The following ADGRG7 variants were observed in gnomAD, a reference collection of about 807,000 sequenced individuals.
The protein encoded by ADGRG7 is G-protein coupled receptor 128.
ADGRG7 carries 82 observed loss-of-function variants against 88.6 expected under a neutral mutation model. The ratio of observed to expected loss-of-function variants is 0.93; its 90% CI spans 0.77 to 1.11. The LOEUF is 1.11. ADGRG7 is among the 50% of genes most tolerant of loss of function. ADGRG7 has a pLI of 0.00. For missense variants in ADGRG7, 945 were observed against 953.4 expected (o/e 0.99, Z 0.12); for synonymous variants, 381 against 345.2 (o/e 1.10, Z -1.15).
Position 100,659,268 on chromosome 3 carries a change from T to TA in ADGRG7, c.1824-408dup, listed in dbSNP as rs888624071. ...TAACACGGTGAAACTCCGTCTCTACTAAAAAAAAAAAATACAAAAAAATCA... is the reference window on the plus strand; with the variant it reads ...TAACACGGTGAAACTCCGTCTCTACTAAAAAAAAAAAAATACAAAAAAATCA... On this transcript the variant is annotated intron_variant, in intron 13 of 15. Transcript: ENST00000273352. Among the ~76,000 whole-genome samples, 928 of 142,894 alleles carry TA rather than the reference T, an allele frequency of 6.5e-3. 12 individuals are homozygous for TA. Among genetic ancestry groups the TA allele is most frequent in the African/African-American group, 0.021 (835 of 39,072 alleles). The allele number at this position is 142,894 out of a possible 152,430, so 93.7% of individuals were successfully genotyped here.
rs1455911281 is a variant in ADGRG7 at position 100,646,653 on chromosome 3, C to G, written c.1195C>G (p.Gln399Glu). 1.2e-6 allele frequency: 2 copies of G among 1,614,018 alleles called. No homozygotes were observed. Among genetic ancestry groups the G allele is most frequent in the Non-Finnish European group, 1.7e-6 (2 of 1,180,010 alleles). The change falls in exon 10 of 16, where the codon CAA becomes GAA. Residue 399 changes from glutamine to glutamate, a missense_variant. Physicochemically the swap from Gln to Glu is conservative, Grantham distance 29. Transcript: ENST00000273352. ...SAKDWDTYGC[Q>E]KDKGTDGFLR... ...GAAGGACTGGGACACATATGGCTGT[C>G]AAAAAGACAAGGGCACTGATGGATT...
chr3:100,637,177 A>T, intron 5 of ADGRG7, 125 bp from the exon 6 acceptor site: 1 of 643,912 alleles, frequency 1.6e-6, no homozygotes. Context: ...ATTTTGTAAA[A>T]TGCTTCCCTC....
At chr3:100,641,902 A>G (rs1238393025) in intron 6 of ADGRG7, among the ~76,000 whole-genome samples, 2 of 152,038 alleles carry the variant, frequency 1.3e-5, no homozygotes, top group African/African-American at 4.8e-5. Flanking sequence ...ATCAAAAAAA[A>G]CCCCGTTTCC....
At chr3:100,694,672 G>A in intron 15 of ADGRG7, 72 bp from the exon 16 acceptor site, 1 of 1,404,938 alleles carries the variant, frequency 7.1e-7, no homozygotes, top group Non-Finnish European at 9.8e-7. Context: ...GGGTGGCAGA[G>A]TGAAATAAAA....
At chr3:100,693,616 C>T (rs1464681980) in intron 15 of ADGRG7, among the ~76,000 whole-genome samples, 1 of 151,890 alleles carries the variant, frequency 6.6e-6, no homozygotes. Context: ...AGGTTGGGGC[C>T]CTATAGATGC....
intron 15 of ADGRG7, among the ~76,000 whole-genome samples, chr3:100,675,335 G>A (rs192467547): frequency 3.4e-4 from 52 of 152,046 alleles, no homozygotes; most frequent in Middle Eastern, 3.4e-3. Flanking sequence ...ATTTTTTTTA[G>A]CATCAATTGA....
intron 1 of ADGRG7, among the ~76,000 whole-genome samples, chr3:100,627,677 G>A (rs1171298412): frequency 6.6e-6 from 1 of 152,086 alleles, no homozygotes; most frequent in Non-Finnish European, 1.5e-5. Flanking sequence ...AACTATCTGG[G>A]CTGGCAGTTG....
At chr3:100,642,465 G>A (rs1366574198) in intron 6 of ADGRG7, among the ~76,000 whole-genome samples, 1 of 152,088 alleles carries the variant, frequency 6.6e-6, no homozygotes, top group Non-Finnish European at 1.5e-5. Context: ...ATATTTTAGT[G>A]TCAGAAATAA....
intron 10 of ADGRG7, 78 bp from the exon 11 acceptor site, chr3:100,649,617 T>C (rs2094925989): frequency 1.8e-5 from 13 of 734,912 alleles, no homozygotes; most frequent in East Asian, 2.6e-5. Context: ...TTTTGACCCA[T>C]GTAACTCTGT....
Position 100,632,618 on chromosome 3 carries a change from A to G in ADGRG7, c.335-647A>G, listed in dbSNP as rs572722272. On this transcript the variant is annotated intron_variant, in intron 3 of 15. Coordinates refer to ENST00000273352, the MANE Select transcript of ADGRG7 (RefSeq NM_032787.3). ...GAGTGACTCCAACTTTGTGCTTTAC[A>G]TATTATTGAAGCAATCTCTAATTTC... is the stretch of plus-strand genomic sequence containing the variant. 1.1e-4 allele frequency among the ~76,000 whole-genome samples: 17 copies of G among 152,308 alleles called. No homozygotes were observed. In the South Asian group the frequency reaches 2.9e-3, roughly 26 times the overall value.
rs1248514580 is a variant in ADGRG7 at position 100,651,662 on chromosome 3, A to C, written c.1379+1855A>C. On this transcript the variant is annotated intron_variant, in intron 11 of 15. Coordinates refer to ENST00000273352, the MANE Select transcript of ADGRG7 (RefSeq NM_032787.3). Reference sequence around the variant, plus strand: ...AGTTTGAGACAAGCCTGGGCAATACAGCAAGATCACATCTCAAACAAATTT... The same window carrying C: ...AGTTTGAGACAAGCCTGGGCAATACCGCAAGATCACATCTCAAACAAATTT... Among the ~76,000 whole-genome samples the C allele has an allele frequency of 2.0e-5, 3 of 152,192 alleles. No individual in the cohort carries two copies. The East Asian group carries it at 5.8e-4, about 29-fold the overall frequency.
intron 14 of ADGRG7, chr3:100,665,435 C>T: frequency 1.9e-6 from 1 of 538,352 alleles, no homozygotes; most frequent in South Asian, 1.4e-5. Context: ...AGCTTTTCCA[C>T]TAAATCTTCA....
At chr3:100,678,215 G>A (rs950353146) in intron 15 of ADGRG7, among the ~76,000 whole-genome samples, 21 of 151,840 alleles carry the variant, frequency 1.4e-4, no homozygotes, top group African/African-American at 5.1e-4. Flanking sequence ...AAGAGACTCT[G>A]ATTCATTCTT....
chr3:100,626,079 G>GA (rs1203843419), intron 1 of ADGRG7, among the ~76,000 whole-genome samples: 1 of 152,200 alleles, frequency 6.6e-6, no homozygotes, highest in Non-Finnish European at 1.5e-5. Flanking sequence ...GTTTCACAAG[G>GA]AAAGGTACCA....
intron 11 of ADGRG7, among the ~76,000 whole-genome samples, chr3:100,650,881 C>T (rs540195575): frequency 1.2e-4 from 19 of 152,142 alleles, no homozygotes; most frequent in Non-Finnish European, 2.4e-4. Context: ...GGCTATCACT[C>T]TTTCTATATT....
chr3:100,693,598 T>G (rs986506442), intron 15 of ADGRG7, among the ~76,000 whole-genome samples: 1 of 152,110 alleles, frequency 6.6e-6, no homozygotes, highest in Non-Finnish European at 1.5e-5. Context: ...AAAAATAAAC[T>G]CTTAAAAAGG....
intron 1 of ADGRG7, among the ~76,000 whole-genome samples, chr3:100,611,279 C>CCTTCCTTCCTTCCTTCCTTTCTTT (rs1559666847): frequency 3.2e-4 from 46 of 143,702 alleles, no homozygotes; most frequent in African/African-American, 1.2e-3. Flanking sequence ...TTCCTTCCTT[C>CCTTCCTTCCTTCCTTCCTTTCTTT]CTTCCTTCCT....
At chr3:100,647,281 C>T (rs140208696) in intron 10 of ADGRG7, among the ~76,000 whole-genome samples, 1 of 152,248 alleles carries the variant, frequency 6.6e-6, no homozygotes, top group African/African-American at 2.4e-5. Flanking sequence ...GGAAGGGAGT[C>T]CATGTGCGAA....
At chr3:100,655,300 T>C in intron 12 of ADGRG7, 119 bp downstream of exon 12, 1 of 689,182 alleles carries the variant, frequency 1.5e-6, no homozygotes, top group East Asian at 2.7e-5. Context: ...AGATAGAAAA[T>C]ATAGTGATTG....
Sources: allele counts gnomAD v4.1 joint callset (sites outside exome capture counted in the v4.1 genomes callset), GRCh38; gene constraint gnomAD v4.1.1; transcripts MANE v1.5; gene names NCBI Gene and HGNC (gene_info 2026-07-23, HGNC 2026-07-21).